Variants in GRID2 observed in about 807,000 individuals in gnomAD.
GRID2 encodes the protein glutamate receptor ionotropic, delta-2.
In GRID2, 33 loss-of-function variants were observed where a neutral mutation model predicts 114.8. The ratio of observed to expected loss-of-function variants is 0.29; its 90% CI spans 0.22 to 0.38. The LOEUF (loss-of-function observed/expected upper bound fraction) is 0.38, where lower values mean the gene tolerates loss of function less well. GRID2 is among the 10% of genes least tolerant of loss of function. The pLI, the probability that GRID2 is intolerant of heterozygous loss-of-function variation, is 1.00. For synonymous variants in GRID2, 505 were observed against 449.9 expected (o/e 1.12, Z -1.55); for missense variants, 1,184 against 1,257.7 (o/e 0.94, Z 0.89).
chr4:92,761,215 CT>C (rs1454155954), intron 2 of GRID2, among the ~76,000 whole-genome samples: 2 of 151,704 alleles, frequency 1.3e-5, no homozygotes, highest in African/African-American at 2.4e-5. Flanking sequence ...CAAATTCCTG[CT>C]TTTTTCTAGT....
chr4:93,573,963 A>G (rs575655822), intron 13 of GRID2, among the ~76,000 whole-genome samples: 1 of 152,328 alleles, frequency 6.6e-6, no homozygotes, highest in East Asian at 1.9e-4. Flanking sequence ...GCACTGTTGT[A>G]AGAATTAGAG....
chr4:93,280,079 T>A (rs1334160120), intron 8 of GRID2, among the ~76,000 whole-genome samples: 1 of 151,916 alleles, frequency 6.6e-6, no homozygotes, highest in African/African-American at 2.4e-5. Flanking sequence ...AGTGCTAGGT[T>A]TAAGACTATG....
intron 11 of GRID2, among the ~76,000 whole-genome samples, chr4:93,457,287 A>C (rs1723298827): frequency 6.6e-6 from 1 of 152,106 alleles, no homozygotes; most frequent in African/African-American, 2.4e-5. Context: ...GACAGAGTTA[A>C]CTATGGAAAG....
At chr4:92,474,538 GT>G (rs1722199404) in intron 1 of GRID2, among the ~76,000 whole-genome samples, 1 of 152,084 alleles carries the variant, frequency 6.6e-6, no homozygotes, top group African/African-American at 2.4e-5. Context: ...GTACACAGAA[GT>G]GAGAATGCTG....
chr4:92,579,056 T>C (rs1728049056), intron 1 of GRID2, among the ~76,000 whole-genome samples: 1 of 152,170 alleles, frequency 6.6e-6, no homozygotes. Flanking sequence ...AAGATATATA[T>C]CATAGTAGAA....
chr4:92,870,623 T>G (rs1030817488), intron 2 of GRID2, among the ~76,000 whole-genome samples: 1 of 150,374 alleles, frequency 6.7e-6, no homozygotes, highest in African/African-American at 2.4e-5. Flanking sequence ...GGAATTATTT[T>G]AAAAAGCATT....
intron 2 of GRID2, among the ~76,000 whole-genome samples, chr4:92,990,459 G>A (rs185866953): frequency 3.9e-4 from 59 of 151,458 alleles, no homozygotes; most frequent in Non-Finnish European, 7.2e-4. Flanking sequence ...ACAGGTGCAC[G>A]CCACCACATC....
intron 1 of GRID2, among the ~76,000 whole-genome samples, chr4:92,336,203 T>C (rs773645881): frequency 6.6e-6 from 1 of 152,182 alleles, no homozygotes; most frequent in Non-Finnish European, 1.5e-5. Flanking sequence ...GACACCATAA[T>C]CTTCATATAT....
chr4:93,012,395 C>T (rs1440940316), intron 2 of GRID2, among the ~76,000 whole-genome samples: 2 of 151,994 alleles, frequency 1.3e-5, no homozygotes, highest in Admixed American at 1.3e-4. Context: ...CCTAAGGTCT[C>T]TCTTTGTCTA....
chr4:93,555,907 A>G (rs1411400348), intron 13 of GRID2, among the ~76,000 whole-genome samples: 1 of 152,188 alleles, frequency 6.6e-6, no homozygotes, highest in Non-Finnish European at 1.5e-5. Context: ...TTCCAGAGGA[A>G]GGAACAGGCA....
intron 2 of GRID2, among the ~76,000 whole-genome samples, chr4:93,067,207 T>C (rs2149300441): frequency 6.6e-6 from 1 of 152,202 alleles, no homozygotes; most frequent in African/African-American, 2.4e-5. Context: ...CCCAGAAACC[T>C]AGAGGTAGTA....
At chr4:93,151,227 G>C (rs922324846) in intron 4 of GRID2, among the ~76,000 whole-genome samples, 2 of 151,948 alleles carry the variant, frequency 1.3e-5, no homozygotes, top group African/African-American at 4.8e-5. Flanking sequence ...CCCTTTCTTG[G>C]TGTTAAAGAG....
Position 93,164,923 on chromosome 4 carries a change from GCA to G in GRID2, c.736-42479_736-42478del. On this transcript the variant is annotated intron_variant, in intron 4 of 15. Coordinates refer to ENST00000282020, the MANE Select transcript of GRID2 (RefSeq NM_001510.4). ...GTATCTGCAGCCCCTTTCCAGAGAG[GCA>G]CTATGACGTAAGAGTTCAGAGTATG... The G allele has an allele frequency of 1.3e-5, 3 of 229,896 alleles. No homozygotes were observed. In the South Asian group the frequency reaches 1.6e-4, roughly 12 times the overall value. The allele number at this position is 229,896 out of a possible 1,614,324, so 14.2% of individuals were successfully genotyped here.
At chr4:92,665,630 C>G (rs1196510057) in intron 2 of GRID2, among the ~76,000 whole-genome samples, 1 of 150,630 alleles carries the variant, frequency 6.6e-6, no homozygotes, top group East Asian at 1.9e-4. Context: ...ATAAACTCAG[C>G]TTTTGCTTAT....
chr4:93,451,317 T>C lies in GRID2; in HGVS notation c.1546-4345T>C, dbSNP rs553432651. The stretch of plus-strand genomic sequence containing the variant: ...TCTGATAGTGTAAACAAATTATTGT[T>C]CCAATCAAAGAGATAGTGGATAGCT... On this transcript the variant is annotated intron_variant, in intron 10 of 15. Coordinates refer to ENST00000282020, the MANE Select transcript of GRID2 (RefSeq NM_001510.4). Among the ~76,000 whole-genome samples the C allele has an allele frequency of 8.5e-5, 13 of 152,160 alleles. No individual in the cohort carries two copies. The East Asian group carries it at 2.1e-3, about 25-fold the overall frequency.
intron 1 of GRID2, among the ~76,000 whole-genome samples, chr4:92,494,961 G>A (rs911699749): frequency 6.6e-6 from 1 of 151,514 alleles, no homozygotes; most frequent in Non-Finnish European, 1.5e-5. Flanking sequence ...TTATATTATT[G>A]GGATGAAGCA....
chr4:92,981,556 A>T (rs973808004), intron 2 of GRID2, among the ~76,000 whole-genome samples: 3 of 152,104 alleles, frequency 2.0e-5, no homozygotes, highest in Non-Finnish European at 4.4e-5. Flanking sequence ...CAAGGCCTCC[A>T]TCTCTTTATA....
At chr4:92,866,065 T>G (rs1188560085) in intron 2 of GRID2, among the ~76,000 whole-genome samples, 1 of 152,204 alleles carries the variant, frequency 6.6e-6, no homozygotes, top group Non-Finnish European at 1.5e-5. Context: ...TTCTTTGGTT[T>G]TCAAATCATG....
chr4:92,817,176 T>G (rs1284743235), intron 2 of GRID2, among the ~76,000 whole-genome samples: 1 of 152,150 alleles, frequency 6.6e-6, no homozygotes, highest in African/African-American at 2.4e-5. Flanking sequence ...GTTTCCTTCC[T>G]CATATTCACC....
Sources: gnomAD v4.1 joint callset for allele counts (sites outside exome capture counted in the v4.1 genomes callset) on GRCh38, gnomAD v4.1.1 for gene constraint, MANE v1.5 for transcripts, NCBI Gene and HGNC (gene_info 2026-07-23, HGNC 2026-07-21) for gene names.